C14orf39: variants seen among roughly 807,000 people sequenced by gnomAD.
The protein encoded by C14orf39 is chromosome 14 open reading frame 39.
A neutral mutation model predicts 85.6 loss-of-function variants in C14orf39; 66 were observed. The observed-to-expected ratio is 0.77, with a 90% CI of 0.63 to 0.95. C14orf39 has a LOEUF of 0.95. C14orf39 is among the 40% of genes least tolerant of loss of function. The probability of loss-of-function intolerance (pLI) is 0.00; values close to 1 mark genes in which losing one functional copy is unlikely to be tolerated. For synonymous variants in C14orf39, 242 were observed against 214.0 expected (o/e 1.13, Z -1.14); for missense variants, 735 against 663.9 (o/e 1.11, Z -1.18).
rs1049261868 is a variant in C14orf39 at position 60,484,179 on chromosome 14, T to C, written c.107-362A>G. Among the ~76,000 whole-genome samples, 1 of 152,248 alleles carries C rather than the reference T, an allele frequency of 6.6e-6. No homozygotes were observed. Among genetic ancestry groups the C allele is most frequent in the Admixed American group, 6.5e-5 (1 of 15,288 alleles). On this transcript the variant is annotated intron_variant, in intron 3 of 17. Coordinates refer to ENST00000321731, the MANE Select transcript of C14orf39 (RefSeq NM_174978.3). This position sits in a 1 kb window ranked among gnomAD's most constrained non-coding sequence, Gnocchi z 4.2. ...GTTAATGACACTAATAGAAGCCTTC[T>C]GTTTTTGACAAATGTGAAATTTCTA...
intron 1 of C14orf39, among the ~76,000 whole-genome samples, chr14:60,506,679 C>T (rs970716874): frequency 1.3e-5 from 2 of 152,202 alleles, no homozygotes; most frequent in Non-Finnish European, 2.9e-5. Flanking sequence ...CCCCAACCTC[C>T]AGGCACTTCT....
chr14:60,496,814 C>T (rs1012519546), intron 2 of C14orf39: 2 of 152,978 alleles, frequency 1.3e-5, no homozygotes, highest in Non-Finnish European at 2.9e-5. Flanking sequence ...CGAGTCAGCT[C>T]TGCAACTACT....
intron 15 of C14orf39, 143 bp from the exon 16 acceptor site, chr14:60,455,288 G>T: frequency 3.6e-6 from 2 of 550,224 alleles, no homozygotes; most frequent in Non-Finnish European, 6.2e-6. Context: ...CAATCCTATC[G>T]AGAAAGGATT....
intron 17 of C14orf39, among the ~76,000 whole-genome samples, chr14:60,440,673 T>C (rs1890467749): frequency 6.6e-6 from 1 of 152,048 alleles, no homozygotes; most frequent in African/African-American, 2.4e-5. Context: ...CTTCCAGAGG[T>C]TTCCCATTTC....
intron 11 of C14orf39, among the ~76,000 whole-genome samples, chr14:60,464,459 A>G (rs1891686131): frequency 6.6e-6 from 1 of 152,130 alleles, no homozygotes; most frequent in Non-Finnish European, 1.5e-5. Flanking sequence ...GGAGAGAGCT[A>G]TATTCAGCTT....
At chr14:60,445,693 A>T (rs1317650209) in intron 16 of C14orf39, among the ~76,000 whole-genome samples, 1 of 152,236 alleles carries the variant, frequency 6.6e-6, no homozygotes, top group Non-Finnish European at 1.5e-5. Context: ...ACTTGAACTC[A>T]GCTCTGCACC....
At chr14:60,499,354 C>T (rs1338713451) in exon 2 of C14orf39, 1 of 151,950 alleles carries the variant, frequency 6.6e-6, no homozygotes, top group African/African-American at 2.4e-5. Context: ...ATACACATAT[C>T]GATGAAACAG....
At position 60,471,404 on chromosome 14, in the gene C14orf39, C is replaced by T; in HGVS notation, c.554+13G>A. ...CTAATAAAAATTATAAGTACAAATA[C>T]TATTGTGGATACATGTTTAAAGTCC... On this transcript the variant is annotated intron_variant, in intron 7 of 17. Coordinates refer to ENST00000321731, the MANE Select transcript of C14orf39 (RefSeq NM_174978.3). The T allele has an allele frequency of 6.4e-7, 1 of 1,558,624 alleles. No homozygotes were observed. The highest frequency in any genetic ancestry group is 8.7e-7 in the Non-Finnish European group (1 of 1,148,688).
intron 1 of C14orf39, among the ~76,000 whole-genome samples, chr14:60,506,314 T>A (rs1410220533): frequency 6.6e-6 from 1 of 152,204 alleles, no homozygotes. Flanking sequence ...CCTGGAGGGT[T>A]GGCACAAAAC....
intron 2 of C14orf39, among the ~76,000 whole-genome samples, chr14:60,492,923 A>T (rs1234159340): frequency 1.3e-5 from 2 of 152,128 alleles, no homozygotes; most frequent in Non-Finnish European, 2.9e-5. Context: ...CACTAACGAA[A>T]TTTTTTTTAA....
chr14:60,441,162 G>T (rs1016510414), intron 17 of C14orf39, among the ~76,000 whole-genome samples: 1 of 152,102 alleles, frequency 6.6e-6, no homozygotes, highest in Non-Finnish European at 1.5e-5. Flanking sequence ...TATCTATCTA[G>T]TCTGCTGTGT....
At chr14:60,466,828 A>AC (rs1431845597) in intron 10 of C14orf39, 89 bp downstream of exon 10, 4 of 1,064,184 alleles carry the variant, frequency 3.8e-6, no homozygotes, top group Non-Finnish European at 5.0e-6. Context: ...TTTTACTTAC[A>AC]CCAAATGATA....
In C14orf39 at chr14:60,436,909, G is replaced by T. The variant is rs779679345; in HGVS notation, c.1700C>A (p.Pro567His). Residue 567 changes from proline (P) to histidine (H), a missense_variant, in exon 18 of 18, where the codon CCT (proline) becomes CAT (histidine). Coordinates refer to ENST00000321731, the MANE Select transcript of C14orf39 (RefSeq NM_174978.3). The part of the protein sequence containing the change: ...FSFGQGQNSI[P>H]SSSLKGFSSS... ...TGAAAAACCTTTTAAAGAAGAAGAA[G>T]GTATTGAATTTTGACCCTGTCCAAA... 4 of 1,612,414 alleles carry T rather than the reference G, an allele frequency of 2.5e-6. No homozygotes were observed. The highest frequency in any genetic ancestry group is 1.1e-5 in the South Asian group (1 of 90,954).
Position 60,436,766 on chromosome 14 carries a change from T to C in C14orf39, c.*79A>G, listed in dbSNP as rs554652228. On this transcript the variant is annotated 3_prime_UTR_variant, in exon 18 of 18. Transcript: ENST00000321731. Reference sequence around the variant, plus strand: ...TTTAATCAATAAAAGAAAGCAGTCTTCATGTTTTAAGCAATAATGTAAATT... The same window carrying C: ...TTTAATCAATAAAAGAAAGCAGTCTCCATGTTTTAAGCAATAATGTAAATT... The C allele has an allele frequency of 1.4e-4, 122 of 896,346 alleles. No homozygotes were observed. The African/African-American group carries it at 1.8e-3, about 14-fold the overall frequency. The allele number at this position is 896,346 out of a possible 1,614,324, so 55.5% of individuals were successfully genotyped here. A position where few individuals can be genotyped will look rare whatever the true frequency, so the allele number is the denominator to read the frequency against.
chr14:60,481,777 A>C (rs1276064681), intron 4 of C14orf39, among the ~76,000 whole-genome samples: 1 of 151,864 alleles, frequency 6.6e-6, no homozygotes, highest in Non-Finnish European at 1.5e-5. Flanking sequence ...TTACCCGTTT[A>C]CCTTCTTTGC....
intron 5 of C14orf39, among the ~76,000 whole-genome samples, chr14:60,474,858 TTC>T (rs1288835487): frequency 6.6e-6 from 1 of 152,170 alleles, no homozygotes; most frequent in African/African-American, 2.4e-5. Flanking sequence ...TGGTCTAAAA[TTC>T]TCTTTTTTTG....
rs1310548000 is a variant in C14orf39 at position 60,509,777 on chromosome 14, GA to G, written c.-144+5617del. ...GTTCCCGCTGCCGCGCACCATTTGGGACGGCGAACAGAAGACACACTGCTTC... is the reference window on the plus strand; with the variant it reads ...GTTCCCGCTGCCGCGCACCATTTGGGCGGCGAACAGAAGACACACTGCTTC... On this transcript the variant is annotated intron_variant, in intron 1 of 5. Transcript: ENST00000556799. 1 of 1,613,190 alleles carries G rather than the reference GA, an allele frequency of 6.2e-7. No homozygotes were observed. The highest frequency in any genetic ancestry group is 8.5e-7 in the Non-Finnish European group (1 of 1,179,250).
intron 1 of C14orf39, among the ~76,000 whole-genome samples, chr14:60,502,823 T>C (rs544258315): frequency 3.9e-5 from 6 of 152,376 alleles, no homozygotes; most frequent in African/African-American, 1.4e-4. Flanking sequence ...CTAGAGCATC[T>C]GCACTTCCAA....
At chr14:60,454,679 A>AT (rs1299708505) in intron 16 of C14orf39, among the ~76,000 whole-genome samples, 1 of 152,016 alleles carries the variant, frequency 6.6e-6, no homozygotes, top group Non-Finnish European at 1.5e-5. Flanking sequence ...AATATGGAAC[A>AT]TTTTTTATGT....
Sources: allele counts gnomAD v4.1 joint callset (sites outside exome capture counted in the v4.1 genomes callset), GRCh38; gene constraint gnomAD v4.1.1; non-coding constraint Gnocchi (gnomAD v3.1); transcripts MANE v1.5; gene names NCBI Gene and HGNC (gene_info 2026-07-23, HGNC 2026-07-21).